Variants in ADGRF5 observed in about 807,000 individuals in gnomAD.
ADGRF5 encodes adhesion G protein-coupled receptor F5, also known as G-protein coupled receptor 116.
ADGRF5 carries 75 observed loss-of-function variants against 132.3 expected under a neutral mutation model. That is an observed-to-expected ratio of 0.57 (90% CI 0.47 to 0.69). ADGRF5 has a LOEUF of 0.69. Ranked by LOEUF, ADGRF5 falls within the 30% of genes least tolerant of loss-of-function variation. The pLI, the probability that ADGRF5 is intolerant of heterozygous loss-of-function variation, is 0.00. For synonymous variants in ADGRF5, 629 were observed against 597.6 expected, an observed-to-expected ratio of 1.05 and a Z score of -0.77; for missense variants, 1,516 against 1,630.6, an observed-to-expected ratio of 0.93 and a Z score of 1.21.
At chr6:46,895,704 G>A (rs1774109572) in intron 3 of ADGRF5, among the ~76,000 whole-genome samples, 1 of 150,430 alleles carries the variant, frequency 6.6e-6, no homozygotes, top group African/African-American at 2.4e-5. Flanking sequence ...TAATCAACTG[G>A]GGCTCTTCAG....
At chr6:46,901,919 C>A (rs770870272) in intron 2 of ADGRF5, among the ~76,000 whole-genome samples, 4 of 152,208 alleles carry the variant, frequency 2.6e-5, no homozygotes, top group Non-Finnish European at 4.4e-5. Context: ...TAAGGTTTAC[C>A]TGTTCCCCTC....
intron 1 of ADGRF5, among the ~76,000 whole-genome samples, chr6:46,909,402 T>A (rs1393139202): frequency 6.6e-6 from 1 of 152,226 alleles, no homozygotes; most frequent in African/African-American, 2.4e-5. Context: ...CTGGGAAATA[T>A]GCCCTAGCCC....
intron 14 of ADGRF5, among the ~76,000 whole-genome samples, chr6:46,863,951 T>C (rs1040573846): frequency 1.3e-5 from 2 of 152,200 alleles, no homozygotes; most frequent in Non-Finnish European, 2.9e-5. Context: ...TGAAAGTGAC[T>C]CTAAATTGTT....
At chr6:46,953,665 A>ATCTATATATATC (rs1554131433) in intron 1 of ADGRF5, among the ~76,000 whole-genome samples, 14 of 131,424 alleles carry the variant, frequency 1.1e-4, no homozygotes, top group African/African-American at 4.0e-4. Flanking sequence ...ATATATATAT[A>ATCTATATATATC]TATATATATA....
chr6:46,873,603 C>G (rs977678273), intron 10 of ADGRF5, among the ~76,000 whole-genome samples: 2 of 151,958 alleles, frequency 1.3e-5, no homozygotes, highest in Non-Finnish European at 2.9e-5. Flanking sequence ...TCATCTTTTT[C>G]TCTATTCTCT....
At position 46,880,007 on chromosome 6, in the gene ADGRF5, T is replaced by G; in HGVS notation, c.847A>C (p.Ile283Leu). ...ESNFFVTPEIIFEGDTVSLVC... is the reference protein window; with the variant it reads ...ESNFFVTPEILFEGDTVSLVC... ...AGACTGACTGTGTCCCCTTCAAAGA[T>G]GATTTCTGGTGTGACAAAGAAATTG... Residue 283 changes from isoleucine (I) to leucine (L), a missense_variant, in exon 9 of 21, where the codon ATC (isoleucine) becomes CTC (leucine). Coordinates refer to ENST00000283296, the MANE Select transcript of ADGRF5 (RefSeq NM_001098518.2). The G allele has an allele frequency of 6.2e-7, 1 of 1,614,090 alleles. No homozygotes were observed. The highest frequency in any genetic ancestry group is 8.5e-7 in the Non-Finnish European group (1 of 1,179,946).
chr6:46,902,746 A>T (rs538979502), intron 2 of ADGRF5, among the ~76,000 whole-genome samples: 1 of 152,342 alleles, frequency 6.6e-6, no homozygotes, highest in African/African-American at 2.4e-5. Flanking sequence ...CAGTGGGAGC[A>T]GCCTACTTAC....
At chr6:46,856,987 G>T (rs1769130437) in intron 17 of ADGRF5, 79 bp from the exon 18 acceptor site, 6 of 1,114,512 alleles carry the variant, frequency 5.4e-6, no homozygotes, top group Non-Finnish European at 8.1e-6. Flanking sequence ...CTGTTAACCT[G>T]GTGTTAAATT....
chr6:46,862,620 T>A (rs1769894997), intron 15 of ADGRF5, among the ~76,000 whole-genome samples: 1 of 147,766 alleles, frequency 6.8e-6, no homozygotes, highest in African/African-American at 2.5e-5. Context: ...ATGGAACACA[T>A]GGTACTGAGA....
At chr6:46,883,516 C>G in intron 6 of ADGRF5, 43 bp downstream of exon 6, 3 of 970,706 alleles carry the variant, frequency 3.1e-6, no homozygotes, top group Non-Finnish European at 5.0e-6. Context: ...CAGTTCAGTC[C>G]AAACAGTTTG....
intron 1 of ADGRF5, 148 bp from the exon 2 acceptor site, chr6:46,906,934 T>G: frequency 1.6e-6 from 1 of 625,152 alleles, no homozygotes; most frequent in Non-Finnish European, 2.8e-6. Flanking sequence ...AGGAATCAAC[T>G]TAGCATTCTC....
chr6:46,903,201 T>C (rs527439908), intron 2 of ADGRF5, among the ~76,000 whole-genome samples: 8 of 152,188 alleles, frequency 5.3e-5, no homozygotes, highest in Non-Finnish European at 7.4e-5. Context: ...GGGTGCTGGG[T>C]AGATCTCACA....
chr6:46,868,447 T>C (rs1770692194), intron 12 of ADGRF5, among the ~76,000 whole-genome samples: 1 of 152,224 alleles, frequency 6.6e-6, no homozygotes, highest in Admixed American at 6.5e-5. Context: ...AAGATTTGCA[T>C]TTCCTCACAA....
chr6:46,857,927 G>A (rs1769245917), intron 17 of ADGRF5, among the ~76,000 whole-genome samples: 1 of 152,206 alleles, frequency 6.6e-6, no homozygotes, highest in Non-Finnish European at 1.5e-5. Context: ...TTATAATGTA[G>A]GTGATAAAAA....
intron 4 of ADGRF5, chr6:46,888,019 T>C: frequency 4.2e-6 from 1 of 235,622 alleles, no homozygotes; most frequent in East Asian, 9.1e-5. Context: ...CCCAGTAGTT[T>C]ATCTGCCCAA....
At chr6:46,888,997 C>T (rs2150855882) in intron 3 of ADGRF5, among the ~76,000 whole-genome samples, 1 of 152,026 alleles carries the variant, frequency 6.6e-6, no homozygotes, top group African/African-American at 2.4e-5. Context: ...CTGGACACTG[C>T]TTTTGTTGAG....
At chr6:46,939,277 TG>T (rs1561837300) in intron 1 of ADGRF5, among the ~76,000 whole-genome samples, 1 of 152,162 alleles carries the variant, frequency 6.6e-6, no homozygotes, top group Non-Finnish European at 1.5e-5. Flanking sequence ...CATGGTTCGT[TG>T]AGTGGCCAGT....
At chr6:46,922,282 G>T (rs1025003114), upstream of ADGRF5, among the ~76,000 whole-genome samples, 3 of 152,156 alleles carry the variant, frequency 2.0e-5, no homozygotes, top group African/African-American at 7.2e-5. Flanking sequence ...TGAATTCTTT[G>T]TCTTTAGCAG....
In ADGRF5 at chr6:46,855,763, T is replaced by A. The variant is rs143495988; in HGVS notation, c.3961+211A>T. On this transcript the variant is annotated intron_variant, in intron 20 of 20. Transcript: ENST00000283296. Reference sequence around the variant, plus strand: ...TTCTCCAAATCTTATTCTTTATGAGTTATTATAAGTTGCTTAGCAAAGGCA... The same window carrying A: ...TTCTCCAAATCTTATTCTTTATGAGATATTATAAGTTGCTTAGCAAAGGCA... 6.2e-4 allele frequency among the ~76,000 whole-genome samples: 95 copies of A among 152,230 alleles called. No homozygotes were observed. In the East Asian group the frequency reaches 0.018, roughly 29 times the overall value.
Sources: gnomAD v4.1 joint callset for allele counts (sites outside exome capture counted in the v4.1 genomes callset) on GRCh38, gnomAD v4.1.1 for gene constraint, MANE v1.5 for transcripts, NCBI Gene and HGNC (gene_info 2026-07-23, HGNC 2026-07-21) for gene names.